The following UTRN variants were observed in gnomAD, a reference collection of about 807,000 sequenced individuals.
UTRN encodes the protein dystrophin-related protein 1.
A neutral mutation model predicts 463.9 loss-of-function variants in UTRN; 283 were observed. The observed-to-expected ratio is 0.61, with a 90% CI of 0.55 to 0.67. The LOEUF is 0.67. UTRN is among the 30% of genes least tolerant of loss of function. The probability of loss-of-function intolerance (pLI) is 0.00; values close to 1 mark genes in which losing one functional copy is unlikely to be tolerated. For synonymous variants in UTRN, 1,442 were observed against 1,431.5 expected, an observed-to-expected ratio of 1.01 and a Z score of -0.17; for missense variants, 3,922 against 4,084.3, an observed-to-expected ratio of 0.96 and a Z score of 1.08.
chr6:144,807,494 A>G (rs1171031293), intron 65 of UTRN, among the ~76,000 whole-genome samples: 1 of 152,080 alleles, frequency 6.6e-6, no homozygotes, highest in Non-Finnish European at 1.5e-5. Context: ...CTATAATCCA[A>G]ATTTGTACAT....
At chr6:144,401,549 G>T (rs919588596) in intron 2 of UTRN, among the ~76,000 whole-genome samples, 8 of 152,150 alleles carry the variant, frequency 5.3e-5, no homozygotes, top group Admixed American at 2.6e-4. Context: ...TTGAAGGAAG[G>T]TCACCTCTGA....
intron 2 of UTRN, among the ~76,000 whole-genome samples, chr6:144,308,767 A>G (rs758692383): frequency 2.1e-4 from 32 of 152,088 alleles, no homozygotes; most frequent in South Asian, 4.2e-4. Flanking sequence ...CTGCATCCCT[A>G]TGATTTCCCC....
chr6:144,446,617 G>GT (rs544880404), intron 14 of UTRN, among the ~76,000 whole-genome samples: 25 of 152,304 alleles, frequency 1.6e-4, no homozygotes, highest in African/African-American at 5.8e-4. Context: ...AACACACATT[G>GT]TTGTCCAATG....
Position 144,488,741 on chromosome 6 carries a change from A to G in UTRN, c.4041A>G (p.Gln1347=), listed in dbSNP as rs2128577954. The G allele has an allele frequency of 6.2e-7, 1 of 1,613,666 alleles. No homozygotes were observed. The highest frequency in any genetic ancestry group is 8.5e-7 in the Non-Finnish European group (1 of 1,179,704). Residue 1347 remains glutamine (Q), a synonymous_variant, in exon 30 of 75, where the codon CAA becomes CAG. Coordinates refer to ENST00000367545, the MANE Select transcript of UTRN (RefSeq NM_007124.3). ...TGCGGGAAACTGACCAGATGCTTCA[A>G]GTCTTGCAAGAGAGCTTGGGGGAGC... is the stretch of plus-strand genomic sequence containing the variant. ...QVLRETDQML[Q]VLQESLGELD...
intron 53 of UTRN, among the ~76,000 whole-genome samples, chr6:144,720,789 CTG>C (rs2128708634): frequency 6.6e-6 from 1 of 152,268 alleles, no homozygotes; most frequent in African/African-American, 2.4e-5. Context: ...CCTCCCTCCT[CTG>C]TGTATTTATT....
intron 52 of UTRN, among the ~76,000 whole-genome samples, chr6:144,682,348 T>C (rs1782286747): frequency 6.6e-6 from 1 of 152,242 alleles, no homozygotes. Context: ...AGTACTCCAT[T>C]TTGTATAAAT....
intron 51 of UTRN, among the ~76,000 whole-genome samples, chr6:144,647,394 G>A (rs1778406225): frequency 6.6e-6 from 1 of 152,178 alleles, no homozygotes; most frequent in Non-Finnish European, 1.5e-5. Flanking sequence ...AATAGCAGAG[G>A]ATTATAACCC....
intron 51 of UTRN, among the ~76,000 whole-genome samples, chr6:144,644,653 A>G (rs767774625): frequency 1.3e-5 from 2 of 152,132 alleles, no homozygotes; most frequent in Non-Finnish European, 2.9e-5. Context: ...TTCTAAAAAG[A>G]AATTGTATCA....
intron 1 of UTRN, among the ~76,000 whole-genome samples, chr6:144,291,195 T>G (rs1804212943): frequency 6.6e-6 from 1 of 152,218 alleles, no homozygotes; most frequent in Admixed American, 6.5e-5. Flanking sequence ...CATGGTCCTA[T>G]CCCTGGTCCT....
At chr6:144,561,497 A>G (rs1363097029) in intron 50 of UTRN, among the ~76,000 whole-genome samples, 1 of 151,944 alleles carries the variant, frequency 6.6e-6, no homozygotes, top group Non-Finnish European at 1.5e-5. Context: ...TGTGCTATAA[A>G]TAGTTTCTTA....
intron 3 of UTRN, among the ~76,000 whole-genome samples, chr6:144,408,686 T>C (rs1280958947): frequency 6.6e-6 from 1 of 152,222 alleles, no homozygotes. Context: ...GATTCCAATA[T>C]GGAGAGCTAT....
intron 2 of UTRN, among the ~76,000 whole-genome samples, chr6:144,317,772 A>G (rs1775377673): frequency 6.6e-6 from 1 of 152,202 alleles, no homozygotes; most frequent in African/African-American, 2.4e-5. Context: ...CTTTTTATAA[A>G]TTAATTTTTT....
chr6:144,616,433 C>T (rs1333810934), intron 51 of UTRN, among the ~76,000 whole-genome samples: 1 of 151,952 alleles, frequency 6.6e-6, no homozygotes, highest in African/African-American at 2.4e-5. Flanking sequence ...TTATAATTTG[C>T]AGTAGCAAGC....
At chr6:144,803,297 AATTAAT>A in intron 65 of UTRN, 150 bp downstream of exon 65, 1 of 432,514 alleles carries the variant, frequency 2.3e-6, no homozygotes, top group Non-Finnish European at 3.8e-6. Flanking sequence ...ATTTATGTTG[AATTAAT>A]TAGTGCAGAA....
At chr6:144,705,087 G>T (rs925289081) in intron 53 of UTRN, among the ~76,000 whole-genome samples, 1 of 152,180 alleles carries the variant, frequency 6.6e-6, no homozygotes, top group African/African-American at 2.4e-5. Context: ...TGAGACACAA[G>T]ATCTGTAATG....
rs551391554 is a variant in UTRN at position 144,557,711 on chromosome 6, G to A, written c.7289+400G>A. On this transcript the variant is annotated intron_variant, in intron 50 of 74. Transcript: ENST00000367545. The stretch of plus-strand genomic sequence containing the variant: ...TGGAATAGCGTGCTATTTGGGTGGG[G>A]CATCCTAAGTTGAGGACCAGACACA... Among the ~76,000 whole-genome samples the A allele has an allele frequency of 8.0e-4, 122 of 152,092 alleles. 1 individual carries two copies. The highest frequency in any genetic ancestry group is 2.9e-3 in the African/African-American group (119 of 41,472).
chr6:144,704,786 ACCCCG>A (rs1203076680), intron 53 of UTRN, among the ~76,000 whole-genome samples: 1 of 151,912 alleles, frequency 6.6e-6, no homozygotes, highest in African/African-American at 2.4e-5. Flanking sequence ...ACATGGTGAA[ACCCCG>A]CCCCTACTAA....
At chr6:144,324,047 G>A (rs974943541) in intron 2 of UTRN, among the ~76,000 whole-genome samples, 1 of 152,280 alleles carries the variant, frequency 6.6e-6, no homozygotes, top group African/African-American at 2.4e-5. Flanking sequence ...TCTGTTTTCA[G>A]AACTTGGAGG....
intron 2 of UTRN, among the ~76,000 whole-genome samples, chr6:144,351,068 T>A (rs1259254801): frequency 1.3e-5 from 2 of 152,242 alleles, no homozygotes; most frequent in Non-Finnish European, 2.9e-5. Flanking sequence ...ATTTTTTATA[T>A]ATTTTATGGA....
Sources: allele counts gnomAD v4.1 joint callset (sites outside exome capture counted in the v4.1 genomes callset), GRCh38; gene constraint gnomAD v4.1.1; transcripts MANE v1.5; gene names NCBI Gene and HGNC (gene_info 2026-07-23, HGNC 2026-07-21).